The following GAPVD1 variants were observed in gnomAD, a reference collection of about 807,000 sequenced individuals.
GAPVD1 encodes GTPase-activating protein and VPS9 domain-containing protein 1.
Under a neutral mutation model 155.5 loss-of-function variants are expected in GAPVD1, and 35 were observed. The ratio of observed to expected loss-of-function variants is 0.23; its 90% CI spans 0.17 to 0.30. The LOEUF (loss-of-function observed/expected upper bound fraction) is 0.30, where lower values mean the gene tolerates loss of function less well. GAPVD1 is among the 10% of genes least tolerant of loss of function. The pLI, the probability that GAPVD1 is intolerant of heterozygous loss-of-function variation, is 1.00. For synonymous variants in GAPVD1, 636 were observed against 619.7 expected (o/e 1.03, Z -0.39); for missense variants, 1,429 against 1,775.7 (o/e 0.80, Z 3.51).
chr9:125,312,828 A>G (rs945411881), intron 9 of GAPVD1, among the ~76,000 whole-genome samples: 2 of 150,700 alleles, frequency 1.3e-5, no homozygotes, highest in East Asian at 3.9e-4. Flanking sequence ...CTTTGGGCTT[A>G]TTTTTTTTTG....
intron 1 of GAPVD1, among the ~76,000 whole-genome samples, chr9:125,266,079 A>G (rs888453435): frequency 9.3e-5 from 14 of 150,918 alleles, no homozygotes; most frequent in Non-Finnish European, 1.6e-4. Context: ...TTTCACGTCT[A>G]TAAGGGATTA....
intron 2 of GAPVD1, among the ~76,000 whole-genome samples, chr9:125,295,059 T>C (rs551268554): frequency 2.3e-4 from 35 of 151,860 alleles, no homozygotes; most frequent in Middle Eastern, 3.4e-3. Context: ...GTCAATACTT[T>C]TCTCAACTGT....
intron 2 of GAPVD1, among the ~76,000 whole-genome samples, chr9:125,293,711 T>A (rs1189846107): frequency 1.0e-4 from 11 of 105,954 alleles, no homozygotes; most frequent in African/African-American, 2.2e-4. Flanking sequence ...AAATATATAT[T>A]TTTATATTTT....
intron 4 of GAPVD1, 58 bp from the exon 5 acceptor site, chr9:125,301,925 T>A (rs1840951155): frequency 7.8e-7 from 1 of 1,275,524 alleles, no homozygotes; most frequent in South Asian, 1.5e-5. Context: ...ATAGTATATG[T>A]GTTATTATTA....
chr9:125,331,797 A>G lies in GAPVD1; in HGVS notation c.2174-129A>G, dbSNP rs1431039487. ...TAATCTAACTAGCATTAACTAGTCC[A>G]GACTTACACATGTATTTGCACTGAT... On this transcript the variant is annotated intron_variant, in intron 13 of 27. Transcript: ENST00000297933. 6.5e-6 allele frequency: 5 copies of G among 767,204 alleles called. No homozygotes were observed. The Admixed American group carries it at 1.1e-4, about 17-fold the overall frequency. 47.5% of individuals were successfully genotyped at this position (767,204 alleles called of 1,614,324 possible).
intron 3 of GAPVD1, among the ~76,000 whole-genome samples, chr9:125,295,875 G>A (rs527600730): frequency 6.6e-6 from 1 of 152,218 alleles, no homozygotes; most frequent in Non-Finnish European, 1.5e-5. Flanking sequence ...TAATTAGGTT[G>A]TGAGCTCCTT....
chr9:125,365,135 A>G lies in GAPVD1; in HGVS notation c.*2389A>G, dbSNP rs1421303336. On this transcript the variant is annotated 3_prime_UTR_variant, in exon 28 of 28. Transcript: ENST00000297933. Reference sequence around the variant, plus strand: ...AGGGTAGACCCCCCAGAGATTTGACATCTGTGACACCTGTGAAATGGGTTC... The same window carrying G: ...AGGGTAGACCCCCCAGAGATTTGACGTCTGTGACACCTGTGAAATGGGTTC... 6.6e-6 allele frequency: 1 copy of G among 152,204 alleles called. No individual in the cohort carries two copies. The highest frequency in any genetic ancestry group is 1.5e-5 in the Non-Finnish European group (1 of 68,084). The allele number at this position is 152,204 out of a possible 1,614,324, so 9.4% of individuals were successfully genotyped here. A position where few individuals can be genotyped will look rare whatever the true frequency, so the allele number is the denominator to read the frequency against.
At chr9:125,361,213 G>T (rs1850864108) in intron 27 of GAPVD1, among the ~76,000 whole-genome samples, 1 of 152,000 alleles carries the variant, frequency 6.6e-6, no homozygotes, top group East Asian at 1.9e-4. Flanking sequence ...AGGATGGGAG[G>T]ACTAGATTCC....
At chr9:125,349,846 A>C (rs1849054631) in intron 21 of GAPVD1, among the ~76,000 whole-genome samples, 1 of 151,880 alleles carries the variant, frequency 6.6e-6, no homozygotes, top group Non-Finnish European at 1.5e-5. Context: ...AAAAAAGAAA[A>C]AGGAAAAAAA....
intron 19 of GAPVD1, among the ~76,000 whole-genome samples, chr9:125,342,562 A>T (rs1847969331): frequency 6.6e-6 from 1 of 152,234 alleles, no homozygotes; most frequent in Non-Finnish European, 1.5e-5. Context: ...GCCTCTAGGC[A>T]TACCCTACAA....
intron 6 of GAPVD1, among the ~76,000 whole-genome samples, chr9:125,305,807 C>T (rs987135669): frequency 3.3e-5 from 5 of 152,004 alleles, no homozygotes; most frequent in Admixed American, 3.3e-4. Context: ...GGGCACACCA[C>T]CATGCCCGGC....
At chr9:125,336,879 T>C in intron 15 of GAPVD1, 139 bp from the exon 16 acceptor site, 1 of 537,738 alleles carries the variant, frequency 1.9e-6, no homozygotes, top group Non-Finnish European at 3.3e-6. Flanking sequence ...CATAATTTGA[T>C]TTTTTTTTTC....
chr9:125,340,017 T>TTTTG (rs919549889), intron 17 of GAPVD1, among the ~76,000 whole-genome samples: 5 of 152,250 alleles, frequency 3.3e-5, no homozygotes, highest in African/African-American at 9.6e-5. Flanking sequence ...TTGGCCTGTT[T>TTTTG]TTTGTTTGTT....
intron 2 of GAPVD1, among the ~76,000 whole-genome samples, chr9:125,282,057 G>A (rs1836874779): frequency 6.6e-6 from 1 of 152,158 alleles, no homozygotes; most frequent in South Asian, 2.1e-4. Context: ...AAGGTGGGCG[G>A]ATCACAAGAT....
chr9:125,325,879 A>G (rs1453356639), intron 11 of GAPVD1, among the ~76,000 whole-genome samples: 1 of 152,230 alleles, frequency 6.6e-6, no homozygotes, highest in Non-Finnish European at 1.5e-5. Context: ...GGAAAATTTC[A>G]GAAATAATTC....
intron 5 of GAPVD1, chr9:125,303,873 GA>G (rs1435851193): frequency 1.3e-5 from 2 of 151,706 alleles, no homozygotes; most frequent in Non-Finnish European, 2.9e-5. Flanking sequence ...AGAAATGCCT[GA>G]AATAAAATTT....
At chr9:125,357,449 T>G (rs1213618328) in intron 25 of GAPVD1, among the ~76,000 whole-genome samples, 1 of 151,674 alleles carries the variant, frequency 6.6e-6, no homozygotes, top group Non-Finnish European at 1.5e-5. Flanking sequence ...TGTGGTGGCA[T>G]GCGTGTATAG....
intron 2 of GAPVD1, among the ~76,000 whole-genome samples, chr9:125,270,204 G>A (rs928962056): frequency 1.3e-5 from 2 of 151,876 alleles, no homozygotes; most frequent in African/African-American, 4.8e-5. Context: ...CGAGGTGGGC[G>A]AATCACTTGA....
At chr9:125,331,868 G>A in intron 13 of GAPVD1, 58 bp from the exon 14 acceptor site, 1 of 1,558,110 alleles carries the variant, frequency 6.4e-7, no homozygotes, top group East Asian at 2.3e-5. Flanking sequence ...CACAAAAGCT[G>A]AAATTGTGGT....
Sources: gnomAD v4.1 joint callset for allele counts (sites outside exome capture counted in the v4.1 genomes callset) on GRCh38, gnomAD v4.1.1 for gene constraint, MANE v1.5 for transcripts, NCBI Gene and HGNC (gene_info 2026-07-23, HGNC 2026-07-21) for gene names.